The following CTNND2 variants were observed in gnomAD, a reference collection of about 807,000 sequenced individuals.
The protein encoded by CTNND2 is catenin delta-2.
CTNND2 carries 22 observed loss-of-function variants against 144.4 expected under a neutral mutation model. The observed-to-expected ratio is 0.15, with a 90% confidence interval of 0.11 to 0.22. The LOEUF is 0.22. Among genes scored for constraint, CTNND2 ranks in the 10% least tolerant of loss-of-function variants. The pLI is 1.00. For synonymous variants in CTNND2, 751 were observed against 695.6 expected, an observed-to-expected ratio of 1.08 and a Z score of -1.25; for missense variants, 1,353 against 1,618.8, an observed-to-expected ratio of 0.84 and a Z score of 2.82.
intron 2 of CTNND2, among the ~76,000 whole-genome samples, chr5:11,617,089 G>T (rs915314421): frequency 6.6e-6 from 1 of 152,116 alleles, no homozygotes; most frequent in Non-Finnish European, 1.5e-5. Flanking sequence ...CTATGCATGT[G>T]CCAAGGTTTC....
intron 9 of CTNND2, among the ~76,000 whole-genome samples, chr5:11,336,231 T>C (rs746433430): frequency 3.9e-5 from 6 of 152,206 alleles, no homozygotes; most frequent in Non-Finnish European, 8.8e-5. Flanking sequence ...GTGAGTTTTG[T>C]CCAATTCTTT....
chr5:11,169,757 C>T (rs766433764), intron 11 of CTNND2, among the ~76,000 whole-genome samples: 37 of 152,170 alleles, frequency 2.4e-4, no homozygotes, highest in Non-Finnish European at 2.8e-4. Context: ...TTCGTGGACG[C>T]TTGCTTATCC....
intron 16 of CTNND2, among the ~76,000 whole-genome samples, chr5:11,056,619 G>A (rs189667488): frequency 4.6e-5 from 7 of 152,186 alleles, no homozygotes; most frequent in Non-Finnish European, 1.0e-4. Flanking sequence ...TGCCCAGCTT[G>A]CTTAAGTATT....
At chr5:11,029,455 A>G (rs1743219174) in intron 16 of CTNND2, among the ~76,000 whole-genome samples, 1 of 151,910 alleles carries the variant, frequency 6.6e-6, no homozygotes, top group Non-Finnish European at 1.5e-5. Context: ...TAGTTTAATG[A>G]TTTTCTTTGT....
intron 20 of CTNND2, among the ~76,000 whole-genome samples, chr5:10,985,502 A>G (rs1281098635): frequency 6.6e-6 from 1 of 152,238 alleles, no homozygotes; most frequent in Admixed American, 6.5e-5. Context: ...AGAGCTCAGC[A>G]GAAGAGATGA....
At chr5:11,527,957 A>T (rs1035156337) in intron 3 of CTNND2, among the ~76,000 whole-genome samples, 2 of 152,190 alleles carry the variant, frequency 1.3e-5, no homozygotes, top group African/African-American at 2.4e-5. Flanking sequence ...ATTTAAACAG[A>T]TTTCTTTGGA....
At chr5:11,327,533 G>A (rs1194709532) in intron 9 of CTNND2, among the ~76,000 whole-genome samples, 1 of 152,114 alleles carries the variant, frequency 6.6e-6, no homozygotes, top group Non-Finnish European at 1.5e-5. Context: ...TTAAACACCT[G>A]GATTCTCAAA....
chr5:11,847,128 T>TTATATATA lies in CTNND2; in HGVS notation c.37+56681_37+56688dup, dbSNP rs56978156. ...AAATAAAATCAGTATGTCAAAGATT[T>TTATATATA]TATATATATATATATATATATATAT... On this transcript the variant is annotated intron_variant, in intron 1 of 21. Coordinates refer to ENST00000304623, the MANE Select transcript of CTNND2 (RefSeq NM_001332.4). Among the ~76,000 whole-genome samples, 215 of 72,334 alleles carry TTATATATA rather than the reference T, an allele frequency of 3.0e-3. 4 individuals carry two copies. Among genetic ancestry groups the TTATATATA allele is most frequent in the East Asian group, 4.2e-3 (8 of 1,922 alleles). 47.5% of individuals were successfully genotyped at this position (72,334 alleles called of 152,430 possible). A position where few individuals can be genotyped will look rare whatever the true frequency, so the allele number is the denominator to read the frequency against.
At position 11,808,637 on chromosome 5, in the gene CTNND2, C is replaced by T. The variant is rs563284437; in HGVS notation, c.38-76365G>A. Among the ~76,000 whole-genome samples, 9 of 152,220 alleles carry T rather than the reference C, an allele frequency of 5.9e-5. No individual in the cohort carries two copies. In the East Asian group the frequency reaches 1.7e-3, roughly 29 times the overall value. On this transcript the variant is annotated intron_variant, in intron 1 of 21. Coordinates refer to ENST00000304623, the MANE Select transcript of CTNND2 (RefSeq NM_001332.4). The stretch of plus-strand genomic sequence containing the variant: ...TTGGTCTCACCCATTGCCTTGGATT[C>T]TCCTGCATCTGCTTTCTTTCTTCTC...
chr5:11,642,416 G>A (rs1386841766), intron 2 of CTNND2, among the ~76,000 whole-genome samples: 1 of 152,186 alleles, frequency 6.6e-6, no homozygotes, highest in East Asian at 1.9e-4. Flanking sequence ...GTCAAAGTAG[G>A]TGCTTTGAGA....
chr5:11,438,456 C>G lies in CTNND2; in HGVS notation c.288-26387G>C, dbSNP rs61755476. On this transcript the variant is annotated intron_variant, in intron 3 of 21. Transcript: ENST00000304623. Reference sequence around the variant, plus strand: ...TCCAAATTCTAATATATGAACTACACGTGGTGTTGAGAAAAGCAGATGGTC... The same window carrying G: ...TCCAAATTCTAATATATGAACTACAGGTGGTGTTGAGAAAAGCAGATGGTC... Among the ~76,000 whole-genome samples the G allele has an allele frequency of 9.8e-3, 1,488 of 152,210 alleles. 31 individuals carry two copies. The highest frequency in any genetic ancestry group is 0.035 in the African/African-American group (1,438 of 41,528).
intron 2 of CTNND2, among the ~76,000 whole-genome samples, chr5:11,664,735 C>A (rs1783459599): frequency 6.6e-6 from 1 of 152,158 alleles, no homozygotes; most frequent in Non-Finnish European, 1.5e-5. Flanking sequence ...ACCTCCAATT[C>A]ATTTCACTCA....
At chr5:11,597,997 C>T in intron 2 of CTNND2, among the ~76,000 whole-genome samples, 1 of 152,146 alleles carries the variant, frequency 6.6e-6, no homozygotes, top group Admixed American at 6.5e-5. Context: ...TCCATATTCT[C>T]ATGTGATAAA....
intron 14 of CTNND2, among the ~76,000 whole-genome samples, chr5:11,110,183 G>C (rs923007999): frequency 3.6e-4 from 55 of 152,146 alleles, no homozygotes; most frequent in African/African-American, 1.3e-3. Flanking sequence ...TGATGCATCA[G>C]GGTTGTGAGT....
Position 11,128,952 on chromosome 5 carries a change from T to C in CTNND2, c.2160-11385A>G, listed in dbSNP as rs1287818080. Among the ~76,000 whole-genome samples, 89 of 47,292 alleles carry C rather than the reference T, an allele frequency of 1.9e-3. 2 individuals carry two copies. Among genetic ancestry groups the C allele is most frequent in the African/African-American group, 4.5e-3 (64 of 14,176 alleles). 31.0% of individuals were successfully genotyped at this position (47,292 alleles called of 152,430 possible). Reference sequence around the variant, plus strand: ...ATAAATATATATATTATATATAATATATAAATATATATAATATATAATATA... The same window carrying C: ...ATAAATATATATATTATATATAATACATAAATATATATAATATATAATATA... On this transcript the variant is annotated intron_variant, in intron 12 of 21. Coordinates refer to ENST00000304623, the MANE Select transcript of CTNND2 (RefSeq NM_001332.4).
At chr5:11,233,228 G>A (rs1741240099) in intron 10 of CTNND2, among the ~76,000 whole-genome samples, 1 of 152,076 alleles carries the variant, frequency 6.6e-6, no homozygotes, top group African/African-American at 2.4e-5. Flanking sequence ...CCAGGGATGA[G>A]GATTTTATCT....
chr5:11,732,358 GA>G (rs1787440185), intron 1 of CTNND2, 86 bp from the exon 2 acceptor site: 9 of 1,318,884 alleles, frequency 6.8e-6, no homozygotes, highest in South Asian at 2.8e-5. Flanking sequence ...GATACACACA[GA>G]AAAAAAAGTA....
chr5:11,809,722 GGT>G (rs770683065), intron 1 of CTNND2, among the ~76,000 whole-genome samples: 3 of 152,118 alleles, frequency 2.0e-5, no homozygotes, highest in Non-Finnish European at 4.4e-5. Context: ...CTCATCGAAG[GGT>G]CACAGTTTAG....
rs546899671 is a variant in CTNND2, at chr5:11,424,865, AG to A, written c.288-12797del. ...GAATAAAGGAAGAAAAGAGAAAAAA[AG>A]AAACCATTGTTGACTTCTGATTATC... is the stretch of plus-strand genomic sequence containing the variant. On this transcript the variant is annotated intron_variant, in intron 3 of 21. Transcript: ENST00000304623. Among the ~76,000 whole-genome samples, 34 of 152,334 alleles carry A rather than the reference AG, an allele frequency of 2.2e-4. No homozygotes were observed. In the South Asian group the frequency reaches 6.8e-3, roughly 31 times the overall value.
Sources: allele counts gnomAD v4.1 joint callset (sites outside exome capture counted in the v4.1 genomes callset), GRCh38; gene constraint gnomAD v4.1.1; transcripts MANE v1.5; gene names NCBI Gene and HGNC (gene_info 2026-07-23, HGNC 2026-07-21).